Variants in TAP1 observed in about 807,000 individuals in gnomAD.
TAP1 encodes the protein transporter 1, ATP binding cassette subfamily B member.
In TAP1, 56 loss-of-function variants were observed where a neutral mutation model predicts 79.3. That is an observed-to-expected ratio of 0.71 (90% CI 0.57 to 0.88). The LOEUF (loss-of-function observed/expected upper bound fraction) is 0.88, where lower values mean the gene tolerates loss of function less well. Ranked by LOEUF, TAP1 falls within the 40% of genes least tolerant of loss-of-function variation. The probability of loss-of-function intolerance (pLI) is 0.00; values close to 1 mark genes in which losing one functional copy is unlikely to be tolerated. For synonymous variants in TAP1, 355 were observed against 401.4 expected, an observed-to-expected ratio of 0.88 and a Z score of 1.38; for missense variants, 737 against 936.3, an observed-to-expected ratio of 0.79 and a Z score of 2.78.
rs1770319548 is a variant in TAP1 at position 32,845,639 on chromosome 6, G to A, written c.2187C>T (p.Leu729=). Residue 729 remains leucine (L), a synonymous_variant, in exon 11 of 11, where the codon CTC becomes CTT. Transcript: ENST00000354258. The surrounding 1 kb of genome is among the most constrained non-coding windows in gnomAD (Gnocchi z 4.5). ...AIREGGTHQQ[L]MEKKGCYWAM... The stretch of plus-strand genomic sequence containing the variant: ...CCCAGTAGCACCCCTTTTTCTCCAT[G>A]AGCTGCTGGTGGGTTCCCCCCTCCC... The A allele has an allele frequency of 3.1e-6, 5 of 1,612,924 alleles. No individual in the cohort carries two copies. In the African/African-American group the frequency reaches 6.7e-5, roughly 22 times the overall value.
Position 32,845,604 on chromosome 6 carries a change from T to C in TAP1, c.2222A>G (p.Gln741Arg). 6.2e-7 allele frequency: 1 copy of C among 1,613,084 alleles called. No individual in the cohort carries two copies. The highest frequency in any genetic ancestry group is 8.5e-7 in the Non-Finnish European group (1 of 1,180,032). ...EKKGCYWAMV[Q>R]APADAPE Reference sequence around the variant, plus strand: ...TCATTCTGGAGCATCTGCAGGAGCCTGCACCATGGCCCAGTAGCACCCCTT... The same window carrying C: ...TCATTCTGGAGCATCTGCAGGAGCCCGCACCATGGCCCAGTAGCACCCCTT... Residue 741 changes from glutamine to arginine, a missense_variant, in exon 11 of 11, where the codon CAG (glutamine) becomes CGG (arginine). By Grantham distance (43) the Gln-to-Arg change is conservative. Transcript: ENST00000354258. This position sits in a 1 kb window ranked among gnomAD's most constrained non-coding sequence, Gnocchi z 4.5.
Position 32,852,323 on chromosome 6 carries a change from T to A in TAP1, c.713+65A>T. The A allele has an allele frequency of 6.2e-7, 1 of 1,612,700 alleles. No individual in the cohort carries two copies. The highest frequency in any genetic ancestry group is 8.5e-7 in the Non-Finnish European group (1 of 1,179,878). On this transcript the variant is annotated intron_variant, in intron 2 of 10. Transcript: ENST00000354258. This position sits in a 1 kb window ranked among gnomAD's most constrained non-coding sequence, Gnocchi z 4.8. ...CCCAGGTATCCCCATATAAGTGCAT[T>A]TCGGACAGCAGCCCCAACTTCCAAC...
rs140279817 is a variant in TAP1 at position 32,851,127 on chromosome 6, T to C, written c.867A>G (p.Thr289=). The part of the protein sequence containing the change: ...NQTGNIMSRV[T]EDTSTLSDSL... ...AATCACTCAGGGTGGACGTGTCCTCTGTTACCCGAGACATGATGTTACCTG... is the reference window on the plus strand; with the variant it reads ...AATCACTCAGGGTGGACGTGTCCTCCGTTACCCGAGACATGATGTTACCTG... The change falls in exon 4 of 11, where the codon ACA becomes ACG. Residue 289 remains threonine (T), a synonymous_variant. Transcript: ENST00000354258. This position sits in a 1 kb window ranked among gnomAD's most constrained non-coding sequence, Gnocchi z 4.8. 3 of 1,612,958 alleles carry C rather than the reference T, an allele frequency of 1.9e-6. No homozygotes were observed. Among genetic ancestry groups the C allele is most frequent in the African/African-American group, 2.7e-5 (2 of 74,996 alleles).
Position 32,850,098 on chromosome 6 carries a change from G to A in TAP1, c.1248+222C>T. The A allele has an allele frequency of 1.6e-6, 1 of 629,168 alleles. No homozygotes were observed. Among genetic ancestry groups the A allele is most frequent in the East Asian group, 2.7e-5 (1 of 36,496 alleles). The allele number at this position is 629,168 out of a possible 1,614,324, so 39.0% of individuals were successfully genotyped here. The stretch of plus-strand genomic sequence containing the variant: ...ATCTCTCCAATCCACATGGTTGGGT[G>A]GATTTTATGTACCATACTGAAAGGA... On this transcript the variant is annotated intron_variant, in intron 5 of 10. Transcript: ENST00000354258. The surrounding 1 kb of genome is among the most constrained non-coding windows in gnomAD (Gnocchi z 5.5).
At position 32,850,307 on chromosome 6, in the gene TAP1, T is replaced by A. The variant is rs1240777759; in HGVS notation, c.1248+13A>T. On this transcript the variant is annotated intron_variant, in intron 5 of 10. Transcript: ENST00000354258. This position sits in a 1 kb window ranked among gnomAD's most constrained non-coding sequence, Gnocchi z 5.5. The stretch of plus-strand genomic sequence containing the variant: ...AAGGACAAGGGAATGGGTATTCATC[T>A]TCAGGTGCTCACACTAGTGGTCCAG... The A allele has an allele frequency of 6.2e-7, 1 of 1,613,824 alleles. No homozygotes were observed. The highest frequency in any genetic ancestry group is 1.7e-5 in the Admixed American group (1 of 60,012).
In TAP1 at chr6:32,852,692, C is replaced by T. The variant is rs976706502; in HGVS notation, c.599-190G>A. 6.8e-6 allele frequency: 10 copies of T among 1,474,106 alleles called. No homozygotes were observed. The Middle Eastern group carries it at 1.7e-3, about 255-fold the overall frequency. The allele number at this position is 1,474,106 out of a possible 1,614,324, so 91.3% of individuals were successfully genotyped here. A position where few individuals can be genotyped will look rare whatever the true frequency, so the allele number is the denominator to read the frequency against. ...AACTCACTACCCTGTGGTTGCTCTACCAGAACTTTCAGGATTTTATTAGGA... is the reference window on the plus strand; with the variant it reads ...AACTCACTACCCTGTGGTTGCTCTATCAGAACTTTCAGGATTTTATTAGGA... On this transcript the variant is annotated intron_variant, in intron 1 of 10. Transcript: ENST00000354258. The surrounding 1 kb of genome is among the most constrained non-coding windows in gnomAD (Gnocchi z 4.8).
chr6:32,852,306 T>A lies in TAP1; in HGVS notation c.714-67A>T. ...GGGAACAGACTGAAGGTCCCAGGTATCCCCATATAAGTGCATTTCGGACAG... is the reference window on the plus strand; with the variant it reads ...GGGAACAGACTGAAGGTCCCAGGTAACCCCATATAAGTGCATTTCGGACAG... On this transcript the variant is annotated intron_variant, in intron 2 of 10. Transcript: ENST00000354258. The surrounding 1 kb of genome is among the most constrained non-coding windows in gnomAD (Gnocchi z 4.8). 1 of 1,612,832 alleles carries A rather than the reference T, an allele frequency of 6.2e-7. No individual in the cohort carries two copies. The highest frequency in any genetic ancestry group is 8.5e-7 in the Non-Finnish European group (1 of 1,179,952).
rs1263624622 is a variant in TAP1, at chr6:32,847,124, A to G, written c.1984T>C (p.Cys662Arg). Residue 662 changes from cysteine (C) to arginine (R), a missense_variant, in exon 10 of 11, where the codon TGT becomes CGT. Cys to Arg is a radical substitution (Grantham distance 180). This residue lies in a region of TAP1 where 266 missense variants were observed against 332.4 expected (regional missense o/e 0.80). Coordinates refer to ENST00000354258, the MANE Select transcript of TAP1 (RefSeq NM_000593.6). The surrounding 1 kb of genome is among the most constrained non-coding windows in gnomAD (Gnocchi z 4.7). ...GTGGCATCATCCAGGATAAGTACAC[A>G]CGGTTTCCGGATCAATGCTCGGGCC... The part of the protein sequence containing the change: ...ALARALIRKP[C>R]VLILDDATSA... The G allele has an allele frequency of 2.5e-6, 4 of 1,613,000 alleles. No homozygotes were observed. The highest frequency in any genetic ancestry group is 1.7e-5 in the Admixed American group (1 of 60,030).
chr6:32,850,323 AGT>A lies in TAP1; in HGVS notation c.1243_1244del (p.Thr415Ter). 3 of 1,614,188 alleles carry A rather than the reference AGT, an allele frequency of 1.9e-6. No individual in the cohort carries two copies. The highest frequency in any genetic ancestry group is 1.7e-6 in the Non-Finnish European group (2 of 1,179,984). ...AVAYAVNSWTTSISGMLLKVG... is the reference protein window; with the variant it reads ...AVAYAVNSWTXSISGMLLKVG... ...GTATTCATCTTCAGGTGCTCACACT[AGT>A]GGTCCAGGAGTTGACTGCATAGGCC... On this transcript the variant is annotated frameshift_variant, in exon 5 of 11. Transcript: ENST00000354258. LOFTEE classifies it high-confidence loss of function. This position sits in a 1 kb window ranked among gnomAD's most constrained non-coding sequence, Gnocchi z 5.5.
chr6:32,851,050 C>T lies in TAP1; in HGVS notation c.944G>A (p.Cys315Tyr). ...TCCCCAGAGCATGATCCCCAAGAGA[C>T]ATAGGCCTCGCACCAGGTACCACAG... is the stretch of plus-strand genomic sequence containing the variant. ...LFLWYLVRGL[C>Y]LLGIMLWGSV... Residue 315 changes from cysteine to tyrosine, a missense_variant, in exon 4 of 11, where the codon TGT becomes TAT. Physicochemically the swap from Cys to Tyr is radical, Grantham distance 194 (BLOSUM62 -2). Transcript: ENST00000354258. The surrounding 1 kb of genome is among the most constrained non-coding windows in gnomAD (Gnocchi z 4.8). 6.2e-7 allele frequency: 1 copy of T among 1,613,036 alleles called. No homozygotes were observed. Among genetic ancestry groups the T allele is most frequent in the Non-Finnish European group, 8.5e-7 (1 of 1,180,028 alleles).
rs56089443 is a variant in TAP1, at chr6:32,848,885, A to G, written c.1378-45T>C. ...GTGAAAGTGAGGTAGTCTGCTTGCC[A>G]GCATTATGTGAAGCAAGAAGGGTAA... On this transcript the variant is annotated intron_variant, in intron 6 of 10. Transcript: ENST00000354258. 4.5e-4 allele frequency: 726 copies of G among 1,613,206 alleles called. 6 individuals are homozygous for G. The East Asian group carries it at 6.5e-3, about 14-fold the overall frequency.
In TAP1 at chr6:32,852,557, C is replaced by T. The variant is rs72860342; in HGVS notation, c.599-55G>A. 0.029 allele frequency: 46,435 copies of T among 1,607,002 alleles called. 773 individuals carry two copies. Among genetic ancestry groups the T allele is most frequent in the South Asian group, 0.037 (3,378 of 90,456 alleles). ...AATATTAAGTCTAAGTAGGTCAGTTCCAGTCAGACTGGCCCCACCACGCCT... is the reference window on the plus strand; with the variant it reads ...AATATTAAGTCTAAGTAGGTCAGTTTCAGTCAGACTGGCCCCACCACGCCT... On this transcript the variant is annotated intron_variant, in intron 1 of 10. Coordinates refer to ENST00000354258, the MANE Select transcript of TAP1 (RefSeq NM_000593.6). The surrounding 1 kb of genome is among the most constrained non-coding windows in gnomAD (Gnocchi z 4.8).
chr6:32,852,433 G>A lies in TAP1; in HGVS notation c.668C>T (p.Thr223Ile). The change falls in exon 2 of 11, where the codon ACC becomes ATC. Residue 223 changes from threonine to isoleucine, a missense_variant. This residue lies in a region of TAP1 where 406 missense variants were observed against 477.2 expected (regional missense o/e 0.85). Coordinates refer to ENST00000354258, the MANE Select transcript of TAP1 (RefSeq NM_000593.6). The surrounding 1 kb of genome is among the most constrained non-coding windows in gnomAD (Gnocchi z 4.8). ...CATGAGAGTTAAGTTTCGAGTGAAG[G>A]TATCGGCTGAGCCATCTTGTAGAAT... ...DWILQDGSAD[T>I]FTRNLTLMSI... is the part of the protein sequence containing the mutation. The A allele has an allele frequency of 1.2e-6, 2 of 1,613,050 alleles. No homozygotes were observed. The highest frequency in any genetic ancestry group is 1.7e-6 in the Non-Finnish European group (2 of 1,180,034).
At chr6:32,846,746 G>A (rs1295405336) in intron 10 of TAP1, among the ~76,000 whole-genome samples, 1 of 152,076 alleles carries the variant, frequency 6.6e-6, no homozygotes, top group South Asian at 2.1e-4. Flanking sequence ...GAGCCCAGCA[G>A]GTTGAAGCTG....
Position 32,849,074 on chromosome 6 carries a change from C to T in TAP1, c.1293G>A (p.Gly431=). The T allele has an allele frequency of 6.3e-7, 1 of 1,596,698 alleles. No individual in the cohort carries two copies. The highest frequency in any genetic ancestry group is 1.1e-5 in the South Asian group (1 of 88,358). The change falls in exon 6 of 11, where the codon GGG becomes GGA. Residue 431 remains glycine, a synonymous_variant. Transcript: ENST00000354258. Reference sequence around the variant, plus strand: ...TTACAGCCCCACTGGTCACCAGCTGCCCACCAATGTAGAGGATTCCCACTT... The same window carrying T: ...TTACAGCCCCACTGGTCACCAGCTGTCCACCAATGTAGAGGATTCCCACTT... ...LLKVGILYIG[G]QLVTSGAVSS...
In TAP1 at chr6:32,845,664, C is replaced by T. The variant is rs761539411; in HGVS notation, c.2162G>A (p.Arg721Gln). The change falls in exon 11 of 11, where the codon CGG (arginine) becomes CAG (glutamine). Residue 721 changes from arginine to glutamine, a missense_variant. Around this residue, in one of 5 missense-constraint regions of TAP1, gnomAD observed 266 missense variants for 332.4 expected, o/e 0.80. Transcript: ENST00000354258. This position sits in a 1 kb window ranked among gnomAD's most constrained non-coding sequence, Gnocchi z 4.5. ...HILFLEGGAI[R>Q]EGGTHQQLME... ...GAGCTGCTGGTGGGTTCCCCCCTCCCGGATAGCGCCTCCTTCCAGAAAGAG... is the reference window on the plus strand; with the variant it reads ...GAGCTGCTGGTGGGTTCCCCCCTCCTGGATAGCGCCTCCTTCCAGAAAGAG... 1.9e-5 allele frequency: 30 copies of T among 1,612,964 alleles called. No homozygotes were observed. The highest frequency in any genetic ancestry group is 2.7e-5 in the African/African-American group (2 of 74,922).
rs1770528313 is a variant in TAP1, at chr6:32,847,767, T to G, written c.1741-92A>C. ...AGACTCAAAATCTTTATTGAGAACA[T>G]GTCACAAAATCATACTACCTCCCTC... is the stretch of plus-strand genomic sequence containing the variant. On this transcript the variant is annotated intron_variant, in intron 8 of 10. Transcript: ENST00000354258. This position sits in a 1 kb window ranked among gnomAD's most constrained non-coding sequence, Gnocchi z 4.7. The G allele has an allele frequency of 1.9e-6, 3 of 1,570,820 alleles. No homozygotes were observed. Among genetic ancestry groups the G allele is most frequent in the Admixed American group, 3.3e-5 (2 of 59,856 alleles).
rs371544893 is a variant in TAP1, at chr6:32,850,528, A to G, written c.1051-11T>C. ...CTGCACTTCCAGCAACTGTGGATAC[A>G]TGGACAAGAGATGTCACACGGGTTG... On this transcript the variant is annotated splice_polypyrimidine_tract_variant and intron_variant, in intron 4 of 10. Transcript: ENST00000354258. This position sits in a 1 kb window ranked among gnomAD's most constrained non-coding sequence, Gnocchi z 5.5. The G allele has an allele frequency of 3.0e-5, 48 of 1,609,730 alleles. No homozygotes were observed. In the African/African-American group the frequency reaches 3.9e-4, roughly 13 times the overall value.
In TAP1 at chr6:32,847,612, C is replaced by T; in HGVS notation, c.1804G>A (p.Gly602Ser). ...GRSLQENIAY[G>S]LTQKPTMEEI... ...TCCATAGTTGGCTTCTGGGTCAGGC[C>T]ATAGGCAATATTTTCTTGAAGACTT... The change falls in exon 9 of 11, where the codon GGC becomes AGC. Residue 602 changes from glycine to serine, a missense_variant. Around this residue, in one of 5 missense-constraint regions of TAP1, gnomAD observed 266 missense variants for 332.4 expected, o/e 0.80. Coordinates refer to ENST00000354258, the MANE Select transcript of TAP1 (RefSeq NM_000593.6). The surrounding 1 kb of genome is among the most constrained non-coding windows in gnomAD (Gnocchi z 4.7). 6.2e-7 allele frequency: 1 copy of T among 1,614,050 alleles called. No individual in the cohort carries two copies. Among genetic ancestry groups the T allele is most frequent in the Non-Finnish European group, 8.5e-7 (1 of 1,180,038 alleles).
Sources: allele counts gnomAD v4.1 joint callset (sites outside exome capture counted in the v4.1 genomes callset), GRCh38; gene constraint gnomAD v4.1.1; regional missense constraint gnomAD v4.1.1; non-coding constraint Gnocchi (gnomAD v3.1); transcripts MANE v1.5; gene names NCBI Gene and HGNC (gene_info 2026-07-23, HGNC 2026-07-21).